The following DYNC2I1 variants were observed in gnomAD, a reference collection of about 807,000 sequenced individuals.
The protein encoded by DYNC2I1 is cytoplasmic dynein 2 intermediate chain 1.
Under a neutral mutation model 133.4 loss-of-function variants are expected in DYNC2I1, and 89 were observed. The ratio of observed to expected loss-of-function variants is 0.67; its 90% CI spans 0.56 to 0.80. The LOEUF is 0.80. Ranked by LOEUF, DYNC2I1 falls within the 30% of genes least tolerant of loss-of-function variation. The probability of loss-of-function intolerance (pLI) is 0.00; values close to 1 mark genes in which losing one functional copy is unlikely to be tolerated. For missense variants in DYNC2I1, 1,291 were observed against 1,314.5 expected, an observed-to-expected ratio of 0.98 and a Z score of 0.28; for synonymous variants, 504 against 484.3, an observed-to-expected ratio of 1.04 and a Z score of -0.54.
chr7:158,930,385 G>A, intron 20 of DYNC2I1, 70 bp from the exon 21 acceptor site: 1 of 1,327,684 alleles, frequency 7.5e-7, no homozygotes, highest in Admixed American at 1.9e-5. Flanking sequence ...AATGATTCCA[G>A]GCAACTATAA....
chr7:158,858,090 CAACCT>C (rs1166411464), intron 1 of DYNC2I1, among the ~76,000 whole-genome samples: 1 of 152,160 alleles, frequency 6.6e-6, no homozygotes, highest in Non-Finnish European at 1.5e-5. Flanking sequence ...CGCGCTAGGC[CAACCT>C]TAGATAGTAT....
intron 7 of DYNC2I1, among the ~76,000 whole-genome samples, chr7:158,889,112 G>A (rs1185306543): frequency 2.4e-5 from 3 of 125,974 alleles, no homozygotes; most frequent in Admixed American, 9.5e-5. Flanking sequence ...ATGGGGTCTC[G>A]CTTTGTCACC....
chr7:158,861,225 CA>C (rs556283768), intron 1 of DYNC2I1, among the ~76,000 whole-genome samples: 81 of 152,316 alleles, frequency 5.3e-4, no homozygotes, highest in African/African-American at 1.3e-3. Flanking sequence ...ATCTGCAATT[CA>C]GGAGTGTCTT....
chr7:158,918,780 AACCCAGCTGGAATCT>A lies in DYNC2I1; in HGVS notation c.1833_1847del (p.Glu611_Leu616delinsAsp), dbSNP rs1848733391. ...CTGGAAGAGGATCGCTTGGCAGCTG[AACCCAGCTGGAATCT>A]TAGGGCTCAAGACAGGGCCCTGTAT... On this transcript the variant is annotated inframe_deletion, in exon 15 of 25. Transcript: ENST00000407559. The A allele has an allele frequency of 9.3e-6, 15 of 1,613,890 alleles. No homozygotes were observed. Among genetic ancestry groups the A allele is most frequent in the Non-Finnish European group, 1.3e-5 (15 of 1,179,866 alleles).
chr7:158,876,598 A>G lies in DYNC2I1; in HGVS notation c.491-11A>G. 5 of 1,555,432 alleles carry G rather than the reference A, an allele frequency of 3.2e-6. No homozygotes were observed. Among genetic ancestry groups the G allele is most frequent in the Non-Finnish European group, 4.3e-6 (5 of 1,158,826 alleles). ...TTTGGGAGTATTAAAAATATGTTTTACTTCTTGTAGTAAGTAAAGTAAGAA... is the reference window on the plus strand; with the variant it reads ...TTTGGGAGTATTAAAAATATGTTTTGCTTCTTGTAGTAAGTAAAGTAAGAA... On this transcript the variant is annotated splice_polypyrimidine_tract_variant and intron_variant, in intron 3 of 24. Coordinates refer to ENST00000407559, the MANE Select transcript of DYNC2I1 (RefSeq NM_018051.5).
chr7:158,955,035 G>T (rs1274479605), intron 4 of DYNC2I1, among the ~76,000 whole-genome samples: 1 of 152,154 alleles, frequency 6.6e-6, no homozygotes, highest in East Asian at 1.9e-4. Context: ...GGGTATTTTG[G>T]GGTGAGTCTG....
chr7:158,891,689 C>G (rs750355592), intron 8 of DYNC2I1, among the ~76,000 whole-genome samples: 5 of 152,104 alleles, frequency 3.3e-5, no homozygotes, highest in Non-Finnish European at 5.9e-5. Context: ...CATTGTTGCT[C>G]TGTGTGTAAG....
intron 3 of DYNC2I1, among the ~76,000 whole-genome samples, chr7:158,873,124 T>C (rs1228928585): frequency 6.6e-6 from 1 of 152,102 alleles, no homozygotes; most frequent in Non-Finnish European, 1.5e-5. Context: ...TTTCTAAAAG[T>C]GTGTTTTATT....
intron 14 of DYNC2I1, among the ~76,000 whole-genome samples, chr7:158,915,504 CGGTGGTTGAGATAAAGGATGATGGTGAA>C (rs1848039537): frequency 6.8e-6 from 1 of 146,978 alleles, no homozygotes; most frequent in African/African-American, 2.6e-5. Context: ...AACCTCGACA[CGGTGGTTGAGATAAAGGATGATGGTGAA>C]ACCTCGACAC....
At position 158,917,183 on chromosome 7, in the gene DYNC2I1, A is replaced by C. The variant is rs1210207377; in HGVS notation, c.1792-1557A>C. ...AAATGTTGACACGTGGTTGACATTA[A>C]GGATGATTGTGAAACGTCGACACGC... On this transcript the variant is annotated intron_variant, in intron 14 of 24. Coordinates refer to ENST00000407559, the MANE Select transcript of DYNC2I1 (RefSeq NM_018051.5). 6.3e-5 allele frequency among the ~76,000 whole-genome samples: 9 copies of C among 143,022 alleles called. 1 individual carries two copies. Among genetic ancestry groups the C allele is most frequent in the Non-Finnish European group, 1.5e-5 (1 of 65,152 alleles). 93.8% of individuals were successfully genotyped at this position (143,022 alleles called of 152,430 possible). A position where few individuals can be genotyped will look rare whatever the true frequency, so the allele number is the denominator to read the frequency against.
chr7:158,869,156 C>T (rs1173857877), intron 1 of DYNC2I1, among the ~76,000 whole-genome samples: 1 of 152,098 alleles, frequency 6.6e-6, no homozygotes, highest in African/African-American at 2.4e-5. Context: ...CGCACCTGCC[C>T]TGGTGCTGGC....
the DYNC2I1 span, among the ~76,000 whole-genome samples, chr7:158,842,372 A>C: frequency 6.6e-6 from 1 of 152,182 alleles, no homozygotes; most frequent in Non-Finnish European, 1.5e-5. Flanking sequence ...CATTCAACAA[A>C]GAGTAGGCAG....
rs567644403 is a variant in DYNC2I1 at position 158,929,511 on chromosome 7, C to G, written c.2486-944C>G. On this transcript the variant is annotated intron_variant, in intron 20 of 24. Coordinates refer to ENST00000407559, the MANE Select transcript of DYNC2I1 (RefSeq NM_018051.5). ...CAGTGGGAGGACCCGGCCAGAAAAG[C>G]TGCCCACAGGCGGTGGCGTGGGAGC... is the stretch of plus-strand genomic sequence containing the variant. Among the ~76,000 whole-genome samples, 8 of 152,324 alleles carry G rather than the reference C, an allele frequency of 5.3e-5. No homozygotes were observed. The South Asian group carries it at 1.7e-3, about 32-fold the overall frequency.
the DYNC2I1 span, among the ~76,000 whole-genome samples, chr7:158,844,365 C>T: frequency 1.3e-5 from 2 of 151,920 alleles, no homozygotes; most frequent in East Asian, 1.9e-4. Context: ...CGTGGGTCAT[C>T]GGTGCAGATG....
chr7:158,931,958 G>A (rs371904511), intron 21 of DYNC2I1, among the ~76,000 whole-genome samples: 12 of 152,184 alleles, frequency 7.9e-5, no homozygotes, highest in African/African-American at 2.9e-4. Flanking sequence ...TTACTGCCTG[G>A]GAAAGGGCCG....
the DYNC2I1 span, among the ~76,000 whole-genome samples, chr7:158,842,670 TGAA>T: frequency 6.6e-6 from 1 of 152,330 alleles, no homozygotes; most frequent in South Asian, 2.1e-4. Flanking sequence ...TGAGTGGAAG[TGAA>T]GAAGGTCATA....
chr7:158,947,282 CCT>C, downstream of DYNC2I1, among the ~76,000 whole-genome samples: 2 of 152,300 alleles, frequency 1.3e-5, no homozygotes, highest in South Asian at 4.1e-4. Context: ...GGACACACGG[CCT>C]CTCGAGTCCA....
chr7:158,857,103 A>G (rs958147934), intron 1 of DYNC2I1, among the ~76,000 whole-genome samples: 4 of 152,114 alleles, frequency 2.6e-5, no homozygotes, highest in East Asian at 3.9e-4. Flanking sequence ...AAGTTTATTA[A>G]ATTTTAGCTG....
intron 7 of DYNC2I1, among the ~76,000 whole-genome samples, chr7:158,890,601 T>C (rs1011825436): frequency 4.0e-5 from 6 of 150,416 alleles, no homozygotes; most frequent in African/African-American, 1.5e-4. Context: ...AGTGACTTCT[T>C]TTTTTTTTTC....
Sources: allele counts gnomAD v4.1 joint callset (sites outside exome capture counted in the v4.1 genomes callset), GRCh38; gene constraint gnomAD v4.1.1; transcripts MANE v1.5; gene names NCBI Gene and HGNC (gene_info 2026-07-23, HGNC 2026-07-21).